The following PTPRD variants were observed in gnomAD, a reference collection of about 807,000 sequenced individuals.
The protein encoded by PTPRD is receptor-type tyrosine-protein phosphatase delta.
A neutral mutation model predicts 214.5 loss-of-function variants in PTPRD; 34 were observed. That is an observed-to-expected ratio of 0.16 (90% CI 0.12 to 0.21). The LOEUF (loss-of-function observed/expected upper bound fraction) is 0.21. PTPRD is among the 10% of genes least tolerant of loss of function. PTPRD has a pLI of 1.00. For synonymous variants in PTPRD, 1,128 were observed against 845.7 expected (o/e 1.33, Z -5.79); for missense variants, 2,545 against 2,398.7 (o/e 1.06, Z -1.27).
intron 12 of PTPRD, among the ~76,000 whole-genome samples, chr9:8,693,918 G>C (rs76898436): frequency 0.012 from 1,784 of 152,264 alleles, 29 homozygotes; most frequent in East Asian, 0.065. Context: ...TTTCCTAAAT[G>C]CTAGATTGAG....
intron 43 of PTPRD, among the ~76,000 whole-genome samples, chr9:8,331,959 A>AATTT (rs753151538): frequency 6.6e-6 from 1 of 150,572 alleles, no homozygotes; most frequent in Non-Finnish European, 1.5e-5. Context: ...TGAAATCCTA[A>AATTT]ATTTATTTAC....
chr9:8,773,733 T>C (rs2095338217), intron 11 of PTPRD, among the ~76,000 whole-genome samples: 1 of 152,234 alleles, frequency 6.6e-6, no homozygotes, highest in Non-Finnish European at 1.5e-5. Flanking sequence ...TTGTCTACTT[T>C]GCTAGCTAAT....
At chr9:10,283,125 TACACAC>T (rs58492445) in intron 3 of PTPRD, among the ~76,000 whole-genome samples, 2 of 149,494 alleles carry the variant, frequency 1.3e-5, no homozygotes, top group African/African-American at 2.4e-5. Context: ...CCTGCATATG[TACACAC>T]ACACACACAC....
At chr9:10,204,873 C>T (rs1471419880) in intron 3 of PTPRD, among the ~76,000 whole-genome samples, 1 of 152,160 alleles carries the variant, frequency 6.6e-6, no homozygotes, top group African/African-American at 2.4e-5. Flanking sequence ...AGGTACACAA[C>T]AAGTCTAGGA....
At chr9:10,288,581 G>A (rs2095433963) in intron 3 of PTPRD, among the ~76,000 whole-genome samples, 1 of 152,140 alleles carries the variant, frequency 6.6e-6, no homozygotes, top group South Asian at 2.1e-4. Flanking sequence ...CGCAAATGCA[G>A]GATCCTCTAG....
intron 12 of PTPRD, among the ~76,000 whole-genome samples, chr9:8,647,548 GGTT>G (rs1352257267): frequency 6.6e-6 from 1 of 151,928 alleles, no homozygotes; most frequent in Non-Finnish European, 1.5e-5. Flanking sequence ...TAAACATTTA[GGTT>G]GTTTCTGCTA....
At chr9:9,138,012 A>G (rs1203378242) in intron 10 of PTPRD, among the ~76,000 whole-genome samples, 1 of 152,166 alleles carries the variant, frequency 6.6e-6, no homozygotes, top group Non-Finnish European at 1.5e-5. Context: ...TACTTGTTGA[A>G]AATGATAAAG....
At chr9:9,079,312 C>T (rs1338400841) in intron 10 of PTPRD, among the ~76,000 whole-genome samples, 2 of 151,996 alleles carry the variant, frequency 1.3e-5, no homozygotes, top group African/African-American at 2.4e-5. Flanking sequence ...CAGCATTTAA[C>T]TTTTTGTTTC....
At chr9:8,556,081 A>G (rs2083659640) in intron 14 of PTPRD, among the ~76,000 whole-genome samples, 1 of 152,246 alleles carries the variant, frequency 6.6e-6, no homozygotes, top group African/African-American at 2.4e-5. Context: ...TTTACAGCAC[A>G]GAAGGCAAGA....
chr9:10,327,305 T>C (rs927564748), intron 3 of PTPRD, among the ~76,000 whole-genome samples: 15 of 151,190 alleles, frequency 9.9e-5, no homozygotes, highest in Admixed American at 7.9e-4. Flanking sequence ...CTTACTCTCA[T>C]GGCAGTTGAT....
At chr9:8,901,156 A>T (rs986453808) in intron 11 of PTPRD, among the ~76,000 whole-genome samples, 2 of 152,188 alleles carry the variant, frequency 1.3e-5, no homozygotes, top group Non-Finnish European at 2.9e-5. Flanking sequence ...AGTGAGCTTC[A>T]TGGGTTCATT....
chr9:8,763,684 A>C (rs1374112016), intron 11 of PTPRD, among the ~76,000 whole-genome samples: 3 of 151,852 alleles, frequency 2.0e-5, no homozygotes, highest in Admixed American at 6.6e-5. Flanking sequence ...ACAAAAAAAA[A>C]AAAGGTCACA....
intron 14 of PTPRD, among the ~76,000 whole-genome samples, chr9:8,630,124 G>A (rs1595664721): frequency 6.6e-6 from 1 of 151,786 alleles, no homozygotes; most frequent in South Asian, 2.1e-4. Context: ...AGCCCATCAT[G>A]AGAGCTGGCA....
chr9:10,050,177 G>A (rs1225679851), intron 3 of PTPRD, among the ~76,000 whole-genome samples: 1 of 152,012 alleles, frequency 6.6e-6, no homozygotes, highest in Non-Finnish European at 1.5e-5. Flanking sequence ...GGGTGACTAA[G>A]AAAAGAGGAA....
At chr9:8,997,827 G>C (rs1589518724) in intron 11 of PTPRD, among the ~76,000 whole-genome samples, 1 of 152,172 alleles carries the variant, frequency 6.6e-6, no homozygotes, top group African/African-American at 2.4e-5. Flanking sequence ...GAAATTAAAA[G>C]TCTACTCCAG....
At chr9:10,092,413 A>G (rs1176309124) in intron 3 of PTPRD, among the ~76,000 whole-genome samples, 2 of 151,550 alleles carry the variant, frequency 1.3e-5, no homozygotes, top group East Asian at 3.9e-4. Context: ...CTCCTCTAAA[A>G]GCATCACTGA....
chr9:8,853,183 T>C (rs902130499), intron 11 of PTPRD, among the ~76,000 whole-genome samples: 3 of 152,204 alleles, frequency 2.0e-5, no homozygotes, highest in African/African-American at 7.2e-5. Flanking sequence ...AATTCTCCAG[T>C]CTAGCACCAT....
intron 8 of PTPRD, among the ~76,000 whole-genome samples, chr9:9,430,048 C>G (rs1428440266): frequency 6.6e-6 from 1 of 152,122 alleles, no homozygotes; most frequent in Non-Finnish European, 1.5e-5. Context: ...GAAGTTCTGG[C>G]CAGGGCAATC....
intron 3 of PTPRD, among the ~76,000 whole-genome samples, chr9:10,255,327 T>C (rs190214187): frequency 1.0e-3 from 158 of 152,322 alleles, no homozygotes; most frequent in African/African-American, 3.6e-3. Flanking sequence ...AGCCTACCTA[T>C]TGCTCCGAGG....
Sources: allele counts gnomAD v4.1 joint callset (sites outside exome capture counted in the v4.1 genomes callset), GRCh38; gene constraint gnomAD v4.1.1; transcripts MANE v1.5; gene names NCBI Gene and HGNC (gene_info 2026-07-23, HGNC 2026-07-21).